The following SREBF1 variants were observed in gnomAD, a reference collection of about 807,000 sequenced individuals.
SREBF1 encodes sterol regulatory element binding transcription factor 1.
Under a neutral mutation model 100.1 loss-of-function variants are expected in SREBF1, and 45 were observed. The observed-to-expected ratio is 0.45, with a 90% CI of 0.35 to 0.58. The LOEUF is 0.58. Ranked by LOEUF, SREBF1 falls within the 20% of genes least tolerant of loss-of-function variation. SREBF1 has a pLI of 0.00. For missense variants in SREBF1, 1,324 were observed against 1,539.4 expected (o/e 0.86, Z 2.34); for synonymous variants, 657 against 681.8 (o/e 0.96, Z 0.57).
intron 15 of SREBF1, 68 bp downstream of exon 15, chr17:17,814,547 G>A (rs1598111808): frequency 2.0e-6 from 3 of 1,535,558 alleles, no homozygotes; most frequent in Non-Finnish European, 1.7e-6. Context: ...GCTGAGTGAG[G>A]CACAGTGCCC....
intron 1 of SREBF1, chr17:17,823,496 G>A (rs1008630389): frequency 1.9e-5 from 30 of 1,570,620 alleles, no homozygotes; most frequent in African/African-American, 4.0e-5. Context: ...TAAAGGGCTG[G>A]TGGGGAGGCC....
chr17:17,814,119 C>T, intron 16 of SREBF1, 126 bp downstream of exon 16: 2 of 1,120,372 alleles, frequency 1.8e-6, no homozygotes, highest in Non-Finnish European at 2.6e-6. Context: ...GTCTGCTGGA[C>T]CCCCTATCCT....
At chr17:17,832,875 C>G (rs867653088) in intron 1 of SREBF1, among the ~76,000 whole-genome samples, 1 of 151,440 alleles carries the variant, frequency 6.6e-6, no homozygotes, top group Non-Finnish European at 1.5e-5. Flanking sequence ...GAGCCGAGAT[C>G]GCGCCACTGC....
rs368752388 is a variant in SREBF1 at position 17,821,817 on chromosome 17, C to CT, written c.92-1297dup. On this transcript the variant is annotated intron_variant, in intron 1 of 18. Coordinates refer to ENST00000261646, the MANE Select transcript of SREBF1 (RefSeq NM_004176.5). ...GGTCCTCATCCACACTAGAAGGACTCTAAGGGTGGGGGCCCATGTCAGAAG... is the reference window on the plus strand; with the variant it reads ...GGTCCTCATCCACACTAGAAGGACTCTTAAGGGTGGGGGCCCATGTCAGAAG... Among the ~76,000 whole-genome samples, 378 of 152,338 alleles carry CT rather than the reference C, an allele frequency of 2.5e-3. 4 individuals carry two copies. The highest frequency in any genetic ancestry group is 8.7e-3 in the African/African-American group (361 of 41,564).
chr17:17,816,182 GC>G (rs766750448), intron 11 of SREBF1, 24 bp downstream of exon 11: 3 of 81,126 alleles, frequency 3.7e-5, no homozygotes, highest in South Asian at 9.6e-5. Context: ...GCAGGGATAA[GC>G]CCCCAGCCCC....
Position 17,819,360 on chromosome 17 carries a change from G to A in SREBF1, c.806C>T (p.Pro269Leu). 1 of 1,613,812 alleles carries A rather than the reference G, an allele frequency of 6.2e-7. No individual in the cohort carries two copies. The highest frequency in any genetic ancestry group is 8.5e-7 in the Non-Finnish European group (1 of 1,180,044). ...CTGCACAGTGGTGCCAGAGACCAGG[G>A]GACTGAGACCTGCCGCCTTCACAGT... The part of the protein sequence containing the change: ...GATVKAAGLS[P>L]LVSGTTVQTG... The change falls in exon 4 of 19, where the codon CCC (proline) becomes CTC (leucine). Residue 269 changes from proline to leucine, a missense_variant. Coordinates refer to ENST00000261646, the MANE Select transcript of SREBF1 (RefSeq NM_004176.5).
chr17:17,813,859 G>C (rs1212055173), intron 16 of SREBF1, 90 bp from the exon 17 acceptor site: 1 of 1,342,214 alleles, frequency 7.5e-7, no homozygotes, highest in Non-Finnish European at 1.0e-6. Flanking sequence ...CCGGCTCCGG[G>C]CTGCACTGCC....
At chr17:17,833,592 C>T (rs544294164) in intron 1 of SREBF1, among the ~76,000 whole-genome samples, 2 of 151,660 alleles carry the variant, frequency 1.3e-5, no homozygotes, top group South Asian at 4.2e-4. Context: ...GTAATTGTCA[C>T]ACAACTCAAA....
Position 17,812,481 on chromosome 17 carries a change from G to A in SREBF1, c.*141C>T. The A allele has an allele frequency of 1.1e-6, 1 of 881,036 alleles. No homozygotes were observed. Among genetic ancestry groups the A allele is most frequent in the Admixed American group, 2.5e-5 (1 of 39,924 alleles). 54.6% of individuals were successfully genotyped at this position (881,036 alleles called of 1,614,324 possible). A position where few individuals can be genotyped will look rare whatever the true frequency, so the allele number is the denominator to read the frequency against. On this transcript the variant is annotated 3_prime_UTR_variant, in exon 19 of 19. Transcript: ENST00000261646. ...CGCCCCTCGGGCCTTCCACCGCGAA[G>A]GCACACAGCAGCCGCAGGTCGAACT...
At chr17:17,823,677 C>T in intron 1 of SREBF1, 1 of 1,156,836 alleles carries the variant, frequency 8.6e-7, no homozygotes, top group Non-Finnish European at 1.2e-6. Context: ...CGCCCCGCCC[C>T]CAGCCCCGCC....
At chr17:17,813,949 C>T in intron 16 of SREBF1, 180 bp from the exon 17 acceptor site, 1 of 729,646 alleles carries the variant, frequency 1.4e-6, no homozygotes, top group Non-Finnish European at 2.3e-6. Context: ...GGCCCCCACA[C>T]CCGCCACCGG....
intron 1 of SREBF1, chr17:17,823,662 C>CCA (rs1567982108): frequency 2.4e-6 from 3 of 1,275,152 alleles, no homozygotes; most frequent in Non-Finnish European, 3.2e-6. Context: ...GCGCCCGCCC[C>CCA]GCCCCGCCCC....
rs1250415961 is a variant in SREBF1 at position 17,824,725 on chromosome 17, C to G, written c.92-4204G>C. 1.3e-5 allele frequency among the ~76,000 whole-genome samples: 2 copies of G among 152,232 alleles called. No individual in the cohort carries two copies. The highest frequency in any genetic ancestry group is 2.9e-5 in the Non-Finnish European group (2 of 68,036). On this transcript the variant is annotated intron_variant, in intron 1 of 18. Transcript: ENST00000261646. This position sits in a 1 kb window ranked among gnomAD's most constrained non-coding sequence, Gnocchi z 4.2. ...TGGTCCACACCCCAGTTGGCTGCAA[C>G]CTGAGAGGGTGCCTGAACCCTGGGC...
chr17:17,812,769 G>C lies in SREBF1; in HGVS notation c.3297C>G (p.Pro1099=), dbSNP rs1042024. 2.0e-6 allele frequency: 3 copies of C among 1,532,952 alleles called. No homozygotes were observed. Among genetic ancestry groups the C allele is most frequent in the Non-Finnish European group, 2.6e-6 (3 of 1,139,804 alleles). 95.0% of individuals were successfully genotyped at this position (1,532,952 alleles called of 1,614,324 possible). A position where few individuals can be genotyped will look rare whatever the true frequency, so the allele number is the denominator to read the frequency against. The change falls in exon 19 of 19, where the codon CCC becomes CCG. Residue 1099 remains proline, a synonymous_variant. Coordinates refer to ENST00000261646, the MANE Select transcript of SREBF1 (RefSeq NM_004176.5). ...ALLLASCYLP[P]GFLSAPGQRV... ...GCTGCCCGGGCGCCGACAGGAAGCC[G>C]GGGGGCAGGTAGCAGGAGGCCAGCA...
intron 2 of SREBF1, 45 bp from the exon 3 acceptor site, chr17:17,819,770 C>G: frequency 1.3e-6 from 2 of 1,533,838 alleles, no homozygotes; most frequent in Non-Finnish European, 1.7e-6. Flanking sequence ...CCTCCCTCTC[C>G]CACTTTCAAC....
Position 17,813,437 on chromosome 17 carries a change from T to C in SREBF1, c.3145A>G (p.Ser1049Gly). The C allele has an allele frequency of 6.2e-7, 1 of 1,600,018 alleles. No homozygotes were observed. Among genetic ancestry groups the C allele is most frequent in the Non-Finnish European group, 8.5e-7 (1 of 1,174,674 alleles). Residue 1049 changes from serine to glycine, a missense_variant, in exon 18 of 19, where the codon AGC (serine) becomes GGC (glycine). By Grantham distance (56) the Ser-to-Gly change is moderately conservative (BLOSUM62 0). Transcript: ENST00000261646. ...EATARLMAGA[S>G]PTRTHQLLDR... ...AGGAGCTGGTGTGTCCGTGTGGGGC[T>C]GGCCCCCGCCATCAGCCGGGCCGTG...
Position 17,813,406 on chromosome 17 carries a change from C to T in SREBF1, c.3176G>A (p.Arg1059His), listed in dbSNP as rs1221052230. ...SPTRTHQLLD[R>H]SLRRRAGPGG... Reference sequence around the variant, plus strand: ...GGGGCCTGCCCGCCGCCTCAGACTGCGGTCGAGGAGCTGGTGTGTCCGTGT... The same window carrying T: ...GGGGCCTGCCCGCCGCCTCAGACTGTGGTCGAGGAGCTGGTGTGTCCGTGT... Residue 1059 changes from arginine to histidine, a missense_variant, in exon 18 of 19, where the codon CGC becomes CAC. Physicochemically the swap from Arg to His is conservative, Grantham distance 29 (BLOSUM62 0). Coordinates refer to ENST00000261646, the MANE Select transcript of SREBF1 (RefSeq NM_004176.5). The T allele has an allele frequency of 3.1e-6, 5 of 1,602,066 alleles. No individual in the cohort carries two copies. Among genetic ancestry groups the T allele is most frequent in the Middle Eastern group, 1.8e-4 (1 of 5,530 alleles).
chr17:17,812,766 G>C lies in SREBF1; in HGVS notation c.3300C>G (p.Gly1100=). The C allele has an allele frequency of 1.3e-6, 2 of 1,536,454 alleles. No homozygotes were observed. Among genetic ancestry groups the C allele is most frequent in the Non-Finnish European group, 1.8e-6 (2 of 1,141,290 alleles). ...CGCGCTGCCCGGGCGCCGACAGGAAGCCGGGGGGCAGGTAGCAGGAGGCCA... is the reference window on the plus strand; with the variant it reads ...CGCGCTGCCCGGGCGCCGACAGGAACCCGGGGGGCAGGTAGCAGGAGGCCA... ...LLLASCYLPP[G]FLSAPGQRVG... The change falls in exon 19 of 19, where the codon GGC becomes GGG. Residue 1100 remains glycine (G), a synonymous_variant. Transcript: ENST00000261646.
Position 17,824,388 on chromosome 17 carries a change from G to C in SREBF1, c.92-3867C>G, listed in dbSNP as rs1442999026. 1.3e-5 allele frequency among the ~76,000 whole-genome samples: 2 copies of C among 152,162 alleles called. No individual in the cohort carries two copies. Among genetic ancestry groups the C allele is most frequent in the African/African-American group, 4.8e-5 (2 of 41,420 alleles). Reference sequence around the variant, plus strand: ...GATGTCCCTCTGCCAGATGGGTGAAGTCTGCCCCTCCCCCTCAAGGCCTCA... The same window carrying C: ...GATGTCCCTCTGCCAGATGGGTGAACTCTGCCCCTCCCCCTCAAGGCCTCA... On this transcript the variant is annotated intron_variant, in intron 1 of 18. Coordinates refer to ENST00000261646, the MANE Select transcript of SREBF1 (RefSeq NM_004176.5). This position sits in a 1 kb window ranked among gnomAD's most constrained non-coding sequence, Gnocchi z 4.2.
Sources: allele counts gnomAD v4.1 joint callset (sites outside exome capture counted in the v4.1 genomes callset), GRCh38; gene constraint gnomAD v4.1.1; non-coding constraint Gnocchi (gnomAD v3.1); transcripts MANE v1.5; gene names NCBI Gene and HGNC (gene_info 2026-07-23, HGNC 2026-07-21).